The following THSD7B variants were observed in gnomAD, a reference collection of about 807,000 sequenced individuals.
The protein encoded by THSD7B is thrombospondin type 1 domain containing 7B.
In THSD7B, 138 loss-of-function variants were observed where a neutral mutation model predicts 213.6. The ratio of observed to expected loss-of-function variants is 0.65; its 90% CI spans 0.56 to 0.74. The LOEUF is 0.74. Ranked by LOEUF, THSD7B falls within the 30% of genes least tolerant of loss-of-function variation. The pLI is 0.00. For synonymous variants in THSD7B, 742 were observed against 687.0 expected, an observed-to-expected ratio of 1.08 and a Z score of -1.25; for missense variants, 1,931 against 1,991.5, an observed-to-expected ratio of 0.97 and a Z score of 0.58.
intron 7 of THSD7B, among the ~76,000 whole-genome samples, chr2:137,185,583 A>T (rs1042374242): frequency 6.6e-6 from 1 of 152,150 alleles, no homozygotes; most frequent in Admixed American, 6.6e-5. Flanking sequence ...TTGTCCTTTT[A>T]TACGGCTGCA....
intron 14 of THSD7B, among the ~76,000 whole-genome samples, chr2:137,438,115 A>G (rs1297976634): frequency 6.6e-6 from 1 of 152,172 alleles, no homozygotes; most frequent in Non-Finnish European, 1.5e-5. Flanking sequence ...TGATCTACAG[A>G]GCAATTTGAA....
intron 12 of THSD7B, among the ~76,000 whole-genome samples, chr2:137,366,974 A>G (rs1290160488): frequency 6.6e-6 from 1 of 152,130 alleles, no homozygotes. Flanking sequence ...TGTTTTCCGT[A>G]TTTACTTCCA....
intron 2 of THSD7B, among the ~76,000 whole-genome samples, chr2:136,945,272 T>G (rs542282722): frequency 1.8e-4 from 28 of 152,286 alleles, no homozygotes; most frequent in African/African-American, 6.5e-4. Context: ...TGGAATTGGC[T>G]ATTGAAGCTT....
chr2:137,462,744 A>C (rs1687908862), intron 15 of THSD7B, among the ~76,000 whole-genome samples: 1 of 149,488 alleles, frequency 6.7e-6, no homozygotes. Context: ...GTGGTATTGC[A>C]GTGCCTGTGT....
intron 1 of THSD7B, among the ~76,000 whole-genome samples, chr2:136,775,921 T>C (rs1681593932): frequency 1.3e-5 from 2 of 152,128 alleles, no homozygotes; most frequent in African/African-American, 2.4e-5. Context: ...GAGTTTATTA[T>C]ACTTTGACAG....
chr2:136,801,526 A>T (rs1183434635), intron 1 of THSD7B, among the ~76,000 whole-genome samples: 2 of 152,108 alleles, frequency 1.3e-5, no homozygotes, highest in Non-Finnish European at 2.9e-5. Flanking sequence ...TTTTGGCCTC[A>T]GTCCGATGTA....
At chr2:136,989,573 G>A (rs1685727888) in intron 2 of THSD7B, among the ~76,000 whole-genome samples, 1 of 152,130 alleles carries the variant, frequency 6.6e-6, no homozygotes, top group Non-Finnish European at 1.5e-5. Context: ...AGCCAAAGAA[G>A]GAAACCTAAT....
intron 10 of THSD7B, among the ~76,000 whole-genome samples, chr2:137,244,605 A>C (rs1164386627): frequency 6.6e-6 from 1 of 152,180 alleles, no homozygotes. Context: ...CAATTTCCAG[A>C]AATTCAATTA....
At chr2:137,171,065 T>C in intron 7 of THSD7B, 127 bp downstream of exon 7, 1 of 1,072,374 alleles carries the variant, frequency 9.3e-7, no homozygotes, top group Non-Finnish European at 1.3e-6. Context: ...TGAATATTTA[T>C]GTTTACATCG....
intron 12 of THSD7B, among the ~76,000 whole-genome samples, chr2:137,364,148 T>G (rs1377874980): frequency 3.9e-5 from 6 of 152,234 alleles, no homozygotes; most frequent in African/African-American, 1.4e-4. Context: ...AGCCACATGA[T>G]TATCTCAAAA....
At chr2:137,657,994 A>C (rs1265630995) in intron 24 of THSD7B, among the ~76,000 whole-genome samples, 1 of 152,116 alleles carries the variant, frequency 6.6e-6, no homozygotes, top group Non-Finnish European at 1.5e-5. Context: ...TACAGGCGTG[A>C]GCCACCACGC....
At chr2:136,781,417 A>G (rs1428676680) in intron 1 of THSD7B, among the ~76,000 whole-genome samples, 1 of 151,000 alleles carries the variant, frequency 6.6e-6, no homozygotes, top group African/African-American at 2.4e-5. Flanking sequence ...GGTGCACACC[A>G]CCATGCCCGG....
chr2:136,820,197 T>A (rs1055352889), intron 1 of THSD7B, among the ~76,000 whole-genome samples: 3 of 152,228 alleles, frequency 2.0e-5, no homozygotes, highest in African/African-American at 7.2e-5. Context: ...CCCTAACACC[T>A]CAAACGGTGC....
chr2:137,496,292 T>G (rs1359090441), intron 15 of THSD7B, among the ~76,000 whole-genome samples: 1 of 152,340 alleles, frequency 6.6e-6, no homozygotes, highest in Admixed American at 6.5e-5. Context: ...CAAAGACTGA[T>G]AGACTTGGAC....
chr2:137,490,815 C>CA (rs1389888231), intron 15 of THSD7B, among the ~76,000 whole-genome samples: 3 of 151,872 alleles, frequency 2.0e-5, no homozygotes, highest in African/African-American at 7.3e-5. Context: ...ATAAGTTGTC[C>CA]AAAAAAATCT....
At chr2:137,276,895 A>T (rs568513810) in intron 12 of THSD7B, among the ~76,000 whole-genome samples, 2 of 152,072 alleles carry the variant, frequency 1.3e-5, no homozygotes, top group African/African-American at 4.8e-5. Flanking sequence ...AAATTTACAG[A>T]TGAAATTTTA....
intron 2 of THSD7B, among the ~76,000 whole-genome samples, chr2:136,931,234 G>C (rs1684622149): frequency 6.6e-6 from 1 of 152,106 alleles, no homozygotes; most frequent in East Asian, 1.9e-4. Flanking sequence ...ATGTGTGTAT[G>C]TGCAGCTATA....
intron 12 of THSD7B, among the ~76,000 whole-genome samples, chr2:137,341,122 T>C (rs1684752310): frequency 6.6e-6 from 1 of 151,574 alleles, no homozygotes; most frequent in Non-Finnish European, 1.5e-5. Context: ...TATCTTTTAT[T>C]TTTTTGAGAA....
intron 2 of THSD7B, among the ~76,000 whole-genome samples, chr2:136,890,202 G>C (rs1683790417): frequency 6.6e-6 from 1 of 151,708 alleles, no homozygotes; most frequent in Non-Finnish European, 1.5e-5. Context: ...GAAATTTCGT[G>C]ATTATATGCT....
Sources: gnomAD v4.1 joint callset for allele counts (sites outside exome capture counted in the v4.1 genomes callset) on GRCh38, gnomAD v4.1.1 for gene constraint, MANE v1.5 for transcripts, NCBI Gene and HGNC (gene_info 2026-07-23, HGNC 2026-07-21) for gene names.